PIP5K1A: variants seen among roughly 807,000 people sequenced by gnomAD.
The protein encoded by PIP5K1A is phosphatidylinositol-4-phosphate 5-kinase type 1 alpha.
In PIP5K1A, 46 loss-of-function variants were observed where a neutral mutation model predicts 72.9. The ratio of observed to expected loss-of-function variants is 0.63; its 90% CI spans 0.50 to 0.81. The LOEUF is 0.81. Among genes scored for constraint, PIP5K1A ranks in the 30% least tolerant of loss-of-function variants. PIP5K1A has a pLI of 0.00. For missense variants in PIP5K1A, 458 were observed against 706.1 expected, an observed-to-expected ratio of 0.65 and a Z score of 3.98; for synonymous variants, 228 against 255.1, an observed-to-expected ratio of 0.89 and a Z score of 1.01.
chr1:151,216,552 T>C (rs1332933233), intron 1 of PIP5K1A, among the ~76,000 whole-genome samples: 1 of 152,128 alleles, frequency 6.6e-6, no homozygotes, highest in African/African-American at 2.4e-5. Flanking sequence ...CTACCTTTTC[T>C]CTCCCTTGAA....
intron 1 of PIP5K1A, among the ~76,000 whole-genome samples, chr1:151,215,702 CAG>C (rs1687492522): frequency 6.6e-6 from 1 of 152,106 alleles, no homozygotes; most frequent in Non-Finnish European, 1.5e-5. Context: ...GAATTCACTC[CAG>C]AGTGAAATGA....
intron 1 of PIP5K1A, among the ~76,000 whole-genome samples, chr1:151,215,730 T>C (rs1200633720): frequency 1.3e-5 from 2 of 152,206 alleles, no homozygotes; most frequent in African/African-American, 4.8e-5. Flanking sequence ...AGTACAAGTT[T>C]TGTGACTGCT....
chr1:151,208,373 T>C (rs1686253770), intron 1 of PIP5K1A, among the ~76,000 whole-genome samples: 2 of 150,996 alleles, frequency 1.3e-5, no homozygotes, highest in South Asian at 4.2e-4. Flanking sequence ...TTTTTTTTTT[T>C]TTTTGGAGAT....
At position 151,246,980 on chromosome 1, in the gene PIP5K1A, TGTGTGGGAGGTGAAC is replaced by T; in HGVS notation, c.1686+18_1686+32del. 6.2e-7 allele frequency: 1 copy of T among 1,609,318 alleles called. No individual in the cohort carries two copies. Among genetic ancestry groups the T allele is most frequent in the Non-Finnish European group, 8.5e-7 (1 of 1,175,774 alleles). The stretch of plus-strand genomic sequence containing the variant: ...AGTTCACCCATGTGAGTATCTGGGA[TGTGTGGGAGGTGAAC>T]GTTTTGCAAGGTATAAAGAGGATCA... On this transcript the variant is annotated intron_variant, in intron 15 of 15. Transcript: ENST00000368888.
intron 4 of PIP5K1A, among the ~76,000 whole-genome samples, chr1:151,229,691 G>C (rs16827941): frequency 0.63 from 94,413 of 149,950 alleles, 30,209 homozygotes; most frequent in Non-Finnish European, 0.7. Context: ...TGAACATTAA[G>C]ATAAAAAGAT....
At position 151,248,042 on chromosome 1, in the gene PIP5K1A, C is replaced by T. The variant is rs1295461603; in HGVS notation, c.*177C>T. ...CCTGAAGAAGAACCTTCTCTCCTTC[C>T]TCTTCCTCATGAATGGGCCTTAGTG... On this transcript the variant is annotated 3_prime_UTR_variant, in exon 16 of 16. Coordinates refer to ENST00000368888, the MANE Select transcript of PIP5K1A (RefSeq NM_001135638.2). 1 of 645,320 alleles carries T rather than the reference C, an allele frequency of 1.5e-6. No individual in the cohort carries two copies. Among genetic ancestry groups the T allele is most frequent in the Non-Finnish European group, 2.8e-6 (1 of 361,144 alleles). The allele number at this position is 645,320 out of a possible 1,614,324, so 40.0% of individuals were successfully genotyped here.
upstream of PIP5K1A, among the ~76,000 whole-genome samples, chr1:151,195,869 C>T (rs1438204221): frequency 7.0e-6 from 1 of 142,462 alleles, no homozygotes; most frequent in East Asian, 2.1e-4. Flanking sequence ...AACAGCTTTA[C>T]ATCAACACCA....
At chr1:151,218,563 T>A (rs935659593) in intron 1 of PIP5K1A, among the ~76,000 whole-genome samples, 1 of 152,056 alleles carries the variant, frequency 6.6e-6, no homozygotes, top group Non-Finnish European at 1.5e-5. Flanking sequence ...GAGGCCGGGC[T>A]CAGTGGCTCA....
At chr1:151,228,477 T>A (rs1451626057) in intron 4 of PIP5K1A, among the ~76,000 whole-genome samples, 1 of 152,222 alleles carries the variant, frequency 6.6e-6, no homozygotes, top group Non-Finnish European at 1.5e-5. Flanking sequence ...GACAGTCATT[T>A]AGCTGGCGAA....
intron 1 of PIP5K1A, among the ~76,000 whole-genome samples, chr1:151,205,207 C>T (rs1327317834): frequency 6.6e-6 from 1 of 152,054 alleles, no homozygotes; most frequent in African/African-American, 2.4e-5. Context: ...GCTCTGTCGC[C>T]CAGGCTACAG....
At chr1:151,225,455 G>C (rs143191893) in intron 3 of PIP5K1A, among the ~76,000 whole-genome samples, 1 of 144,098 alleles carries the variant, frequency 6.9e-6, no homozygotes, top group East Asian at 2.0e-4. Flanking sequence ...TGCTATACTG[G>C]TTTACTCCTC....
chr1:151,248,114 G>A lies in PIP5K1A; in HGVS notation c.*249G>A. The A allele has an allele frequency of 2.0e-6, 1 of 496,430 alleles. No individual in the cohort carries two copies. The highest frequency in any genetic ancestry group is 2.8e-5 in the South Asian group (1 of 35,978). The allele number at this position is 496,430 out of a possible 1,614,324, so 30.8% of individuals were successfully genotyped here. ...AGCATCCCCTCCACTCCAGAGTTGGGTGGTATGGATTTTCAACTGGCCAAC... is the reference window on the plus strand; with the variant it reads ...AGCATCCCCTCCACTCCAGAGTTGGATGGTATGGATTTTCAACTGGCCAAC... On this transcript the variant is annotated 3_prime_UTR_variant, in exon 16 of 16. Transcript: ENST00000368888.
chr1:151,242,053 ATTTGT>A, intron 12 of PIP5K1A, 65 bp from the exon 13 acceptor site: 1 of 1,518,314 alleles, frequency 6.6e-7, no homozygotes, highest in South Asian at 1.1e-5. Flanking sequence ...ACTAGCAATT[ATTTGT>A]ATCTATGTCT....
intron 1 of PIP5K1A, among the ~76,000 whole-genome samples, chr1:151,221,472 G>A (rs587600925): frequency 8.5e-5 from 13 of 152,220 alleles, no homozygotes; most frequent in Admixed American, 3.9e-4. Flanking sequence ...CTTATAGTAC[G>A]TGCCACACTT....
chr1:151,201,386 G>T (rs1685196041), intron 1 of PIP5K1A, among the ~76,000 whole-genome samples: 2 of 151,442 alleles, frequency 1.3e-5, no homozygotes, highest in South Asian at 2.1e-4. Flanking sequence ...GTATCATTCT[G>T]TCACCCAGGC....
intron 8 of PIP5K1A, among the ~76,000 whole-genome samples, chr1:151,236,045 AG>A (rs1215241996): frequency 6.7e-6 from 1 of 149,520 alleles, no homozygotes; most frequent in South Asian, 2.1e-4. Flanking sequence ...CGCTTGAACC[AG>A]GGAGTTGGAG....
At chr1:151,212,455 C>G (rs1420256849) in intron 1 of PIP5K1A, among the ~76,000 whole-genome samples, 1 of 152,198 alleles carries the variant, frequency 6.6e-6, no homozygotes, top group Non-Finnish European at 1.5e-5. Flanking sequence ...ATCAGCTTCC[C>G]CAGTACCTCT....
At chr1:151,238,014 C>T (rs1205091917) in intron 9 of PIP5K1A, among the ~76,000 whole-genome samples, 168 bp from the exon 10 acceptor site, 1 of 151,916 alleles carries the variant, frequency 6.6e-6, no homozygotes, top group Non-Finnish European at 1.5e-5. Context: ...CTCATTTTCT[C>T]CTGTTTTTTT....
intron 9 of PIP5K1A, 143 bp downstream of exon 9, chr1:151,236,906 C>T: frequency 1.6e-6 from 1 of 613,354 alleles, no homozygotes; most frequent in Non-Finnish European, 2.8e-6. Context: ...CAGCCTACTA[C>T]TACCTCCACC....
Sources: gnomAD v4.1 joint callset for allele counts (sites outside exome capture counted in the v4.1 genomes callset) on GRCh38, gnomAD v4.1.1 for gene constraint, MANE v1.5 for transcripts, NCBI Gene and HGNC (gene_info 2026-07-23, HGNC 2026-07-21) for gene names.